ACTL8: variants seen among roughly 807,000 people sequenced by gnomAD.
ACTL8 encodes the protein actin like 8, also known as actin-like protein 8.
Under a neutral mutation model 9.3 loss-of-function variants are expected in ACTL8, and 3 were observed. That is an observed-to-expected ratio of 0.32 (90% CI 0.15 to 0.83). The LOEUF is 0.83. ACTL8 is among the 40% of genes least tolerant of loss of function. The pLI, the probability that ACTL8 is intolerant of heterozygous loss-of-function variation, is 0.57. For synonymous variants in ACTL8, 224 were observed against 205.9 expected (o/e 1.09, Z -0.75); for missense variants, 381 against 492.2 (o/e 0.77, Z 2.14).
intron 1 of ACTL8, among the ~76,000 whole-genome samples, chr1:17,772,649 G>T (rs1557429713): frequency 6.6e-6 from 1 of 152,164 alleles, no homozygotes; most frequent in Non-Finnish European, 1.5e-5. Context: ...GAAGAGGTTG[G>T]GGGGCTCCCT....
intron 1 of ACTL8, among the ~76,000 whole-genome samples, chr1:17,809,715 C>T (rs2066381748): frequency 6.6e-6 from 1 of 151,718 alleles, no homozygotes; most frequent in Admixed American, 6.6e-5. Flanking sequence ...CTGTCGGTGT[C>T]TCCCATCACT....
At chr1:17,756,805 G>A (rs1055352212) in intron 1 of ACTL8, among the ~76,000 whole-genome samples, 2 of 152,256 alleles carry the variant, frequency 1.3e-5, no homozygotes, top group Non-Finnish European at 2.9e-5. Flanking sequence ...TATCATTTGC[G>A]GTTAAGACAA....
chr1:17,812,959 T>C (rs1371514489), intron 1 of ACTL8, among the ~76,000 whole-genome samples: 1 of 152,254 alleles, frequency 6.6e-6, no homozygotes, highest in Admixed American at 6.5e-5. Context: ...ATTGATAGTA[T>C]ATAAAATATA....
At chr1:17,787,548 C>T (rs943192612) in intron 1 of ACTL8, among the ~76,000 whole-genome samples, 5 of 152,280 alleles carry the variant, frequency 3.3e-5, no homozygotes, top group South Asian at 2.1e-4. Context: ...GGATTACAGG[C>T]GTGAGCCACA....
intron 1 of ACTL8, among the ~76,000 whole-genome samples, chr1:17,784,358 T>C (rs527539454): frequency 5.3e-5 from 8 of 152,238 alleles, no homozygotes; most frequent in South Asian, 4.1e-4. Context: ...TTCTCCAACA[T>C]TGGGGATTAC....
At chr1:17,805,916 T>A (rs1429463794) in intron 1 of ACTL8, among the ~76,000 whole-genome samples, 1 of 152,198 alleles carries the variant, frequency 6.6e-6, no homozygotes, top group Non-Finnish European at 1.5e-5. Flanking sequence ...CTATCCACTC[T>A]TGTCCTAGGG....
In ACTL8 at chr1:17,767,569, C is replaced by T. The variant is rs2066053411; in HGVS notation, c.-25+12065C>T. 6.6e-6 allele frequency among the ~76,000 whole-genome samples: 1 copy of T among 152,180 alleles called. No individual in the cohort carries two copies. Among genetic ancestry groups the T allele is most frequent in the South Asian group, 2.1e-4 (1 of 4,834 alleles). On this transcript the variant is annotated intron_variant, in intron 1 of 2. Coordinates refer to ENST00000375406, the MANE Select transcript of ACTL8 (RefSeq NM_030812.3). This position sits in a 1 kb window ranked among gnomAD's most constrained non-coding sequence, Gnocchi z 4.7. ...TGGCTGGGTGCATGGCTCCCGGGCA[C>T]TGCTCTTTTGTGGCTGCCTTGTCCA...
chr1:17,787,948 G>A (rs1381859475), intron 1 of ACTL8, among the ~76,000 whole-genome samples: 1 of 152,186 alleles, frequency 6.6e-6, no homozygotes, highest in Non-Finnish European at 1.5e-5. Context: ...GGGGCTGAGA[G>A]GTATAAAGTG....
At chr1:17,786,799 A>G (rs1480069499) in intron 1 of ACTL8, among the ~76,000 whole-genome samples, 1 of 152,066 alleles carries the variant, frequency 6.6e-6, no homozygotes, top group Non-Finnish European at 1.5e-5. Flanking sequence ...TCCTCAAGCA[A>G]TCCTCCTGCC....
At chr1:17,758,588 C>A (rs1182908090) in intron 1 of ACTL8, among the ~76,000 whole-genome samples, 1 of 152,166 alleles carries the variant, frequency 6.6e-6, no homozygotes, top group Non-Finnish European at 1.5e-5. Context: ...TCCAAAGGGA[C>A]CTGTGACCAT....
intron 1 of ACTL8, among the ~76,000 whole-genome samples, chr1:17,805,820 C>T (rs1273406570): frequency 6.6e-6 from 1 of 152,194 alleles, no homozygotes; most frequent in Non-Finnish European, 1.5e-5. Context: ...ATAGAAGGTG[C>T]TCAGTAAGTA....
At chr1:17,792,647 C>T (rs890790348) in intron 1 of ACTL8, among the ~76,000 whole-genome samples, 2 of 152,226 alleles carry the variant, frequency 1.3e-5, no homozygotes, top group African/African-American at 4.8e-5. Context: ...CTGCCATTAC[C>T]TTTGTGTTGA....
At chr1:17,779,729 G>A (rs1392492801) in intron 1 of ACTL8, among the ~76,000 whole-genome samples, 1 of 152,192 alleles carries the variant, frequency 6.6e-6, no homozygotes, top group East Asian at 1.9e-4. Flanking sequence ...CAGACCACAA[G>A]CACACAGACG....
At chr1:17,812,427 C>CTTTTTT (rs141182523) in intron 1 of ACTL8, among the ~76,000 whole-genome samples, 7 of 122,418 alleles carry the variant, frequency 5.7e-5, no homozygotes, top group Non-Finnish European at 8.4e-5. Context: ...ATTTTTTTTC[C>CTTTTTT]TTTTTTTTTT....
intron 1 of ACTL8, among the ~76,000 whole-genome samples, chr1:17,810,660 C>G (rs1018909929): frequency 3.9e-5 from 6 of 152,302 alleles, no homozygotes; most frequent in Middle Eastern, 3.4e-3. Flanking sequence ...AAAATTCCTC[C>G]AGTCCTGTAT....
chr1:17,781,189 GTC>G (rs1468503154), intron 1 of ACTL8, among the ~76,000 whole-genome samples: 3 of 150,742 alleles, frequency 2.0e-5, no homozygotes, highest in African/African-American at 7.3e-5. Context: ...CTCTCTGTGT[GTC>G]TGTGTTCTTT....
chr1:17,781,437 C>A (rs574950630), intron 1 of ACTL8, among the ~76,000 whole-genome samples: 1 of 152,104 alleles, frequency 6.6e-6, no homozygotes, highest in East Asian at 1.9e-4. Flanking sequence ...CGTGGTTTTG[C>A]CATGTTGGCC....
chr1:17,762,187 C>G (rs548080346), intron 1 of ACTL8, among the ~76,000 whole-genome samples: 46 of 151,942 alleles, frequency 3.0e-4, no homozygotes, highest in Non-Finnish European at 5.6e-4. Flanking sequence ...TTCCCGGGAC[C>G]CAGGGTGGAG....
At chr1:17,790,599 G>A (rs190613368) in intron 1 of ACTL8, among the ~76,000 whole-genome samples, 1 of 152,320 alleles carries the variant, frequency 6.6e-6, no homozygotes, top group African/African-American at 2.4e-5. Flanking sequence ...GCACCCATGG[G>A]CGGGCCCAGA....
Sources: allele counts gnomAD v4.1 joint callset (sites outside exome capture counted in the v4.1 genomes callset), GRCh38; gene constraint gnomAD v4.1.1; non-coding constraint Gnocchi (gnomAD v3.1); transcripts MANE v1.5; gene names NCBI Gene and HGNC (gene_info 2026-07-23, HGNC 2026-07-21).